The following RBFOX1 variants were observed in gnomAD, a reference collection of about 807,000 sequenced individuals.
RBFOX1 encodes the protein RNA binding fox-1 homolog 1.
In RBFOX1, 8 loss-of-function variants were observed where a neutral mutation model predicts 57.7. The observed-to-expected ratio is 0.14, with a 90% CI of 0.08 to 0.25. The LOEUF is 0.25. Among genes scored for constraint, RBFOX1 ranks in the 10% least tolerant of loss-of-function variants. The pLI is 1.00. For synonymous variants in RBFOX1, 326 were observed against 222.4 expected, an observed-to-expected ratio of 1.47 and a Z score of -4.15; for missense variants, 611 against 548.5, an observed-to-expected ratio of 1.11 and a Z score of -1.14.
intron 3 of RBFOX1, among the ~76,000 whole-genome samples, chr16:6,708,399 G>A (rs2063143592): frequency 6.6e-6 from 1 of 152,064 alleles, no homozygotes; most frequent in African/African-American, 2.4e-5. Flanking sequence ...AATCAGACAG[G>A]AGTTAAGTTC....
intron 2 of RBFOX1, among the ~76,000 whole-genome samples, chr16:6,326,833 G>C (rs1368222556): frequency 1.3e-5 from 2 of 152,166 alleles, no homozygotes; most frequent in African/African-American, 4.8e-5. Context: ...CCCCAGAGCA[G>C]ATGGCCCGAG....
At position 6,806,345 on chromosome 16, in the gene RBFOX1, T is replaced by A. The variant is rs188366515; in HGVS notation, c.-16+151695T>A. 1.2e-4 allele frequency among the ~76,000 whole-genome samples: 19 copies of A among 152,294 alleles called. 1 individual carries two copies. Among genetic ancestry groups the A allele is most frequent in the African/African-American group, 4.6e-4 (19 of 41,576 alleles). On this transcript the variant is annotated intron_variant, in intron 3 of 15. Coordinates refer to ENST00000550418, the MANE Select transcript of RBFOX1 (RefSeq NM_018723.4). ...TACTTTAATGTCATCCAAAAAACTATAGAGTTTTGAAAGATGGAATGAGAA... is the reference window on the plus strand; with the variant it reads ...TACTTTAATGTCATCCAAAAAACTAAAGAGTTTTGAAAGATGGAATGAGAA...
At position 7,579,875 on chromosome 16, in the gene RBFOX1, T is replaced by C. The variant is rs1194930221; in HGVS notation, c.369T>C (p.Asn123=). The C allele has an allele frequency of 3.7e-6, 6 of 1,614,002 alleles. No individual in the cohort carries two copies. In the African/African-American group the frequency reaches 6.7e-5, roughly 18 times the overall value. The change falls in exon 6 of 16, where the codon AAT becomes AAC. Residue 123 remains asparagine (N), a synonymous_variant. Coordinates refer to ENST00000550418, the MANE Select transcript of RBFOX1 (RefSeq NM_018723.4). The part of the protein sequence containing the change: ...KSQPKRLHVS[N]IPFRFRDPDL... The stretch of plus-strand genomic sequence containing the variant: ...AGCCCAAGCGGCTGCATGTCTCCAA[T>C]ATCCCCTTCAGGTTCCGGGATCCGG...
intron 3 of RBFOX1, among the ~76,000 whole-genome samples, chr16:5,798,565 C>T (rs554120516): frequency 2.6e-5 from 4 of 152,216 alleles, no homozygotes; most frequent in South Asian, 2.1e-4. Context: ...AGGGCATCTG[C>T]GCTAAATGAT....
Position 6,847,103 on chromosome 16 carries a change from C to G in RBFOX1, c.-16+192453C>G, listed in dbSNP as rs1603631815. On this transcript the variant is annotated intron_variant, in intron 3 of 15. Coordinates refer to ENST00000550418, the MANE Select transcript of RBFOX1 (RefSeq NM_018723.4). ...TCCTTCCCAGAGAACTTTATCTTGC[C>G]TCAGTCAACCCTGCTCAGAGATGGT... Among the ~76,000 whole-genome samples the G allele has an allele frequency of 5.3e-5, 8 of 152,228 alleles. No homozygotes were observed. In the South Asian group the frequency reaches 1.7e-3, roughly 32 times the overall value.
intron 2 of RBFOX1, among the ~76,000 whole-genome samples, chr16:6,394,066 T>C (rs1024592129): frequency 9.9e-5 from 15 of 152,204 alleles, no homozygotes; most frequent in African/African-American, 2.9e-4. Context: ...CATCCTGCAA[T>C]GCAGACATCC....
At chr16:7,223,738 G>GA (rs1742639760) in intron 4 of RBFOX1, among the ~76,000 whole-genome samples, 7 of 142,074 alleles carry the variant, frequency 4.9e-5, no homozygotes, top group African/African-American at 1.8e-4. Context: ...AAAAGAAAAA[G>GA]AAATGAGCAA....
chr16:7,665,665 T>G (rs2069032081), intron 13 of RBFOX1, among the ~76,000 whole-genome samples: 1 of 152,216 alleles, frequency 6.6e-6, no homozygotes, highest in African/African-American at 2.4e-5. Flanking sequence ...TTCTCCGACA[T>G]TATGATATGA....
intron 1 of RBFOX1, among the ~76,000 whole-genome samples, chr16:5,363,639 A>G (rs1002885562): frequency 1.5e-4 from 23 of 152,164 alleles, no homozygotes; most frequent in Non-Finnish European, 2.8e-4. Context: ...AGCACCTTGT[A>G]CTAATGAATC....
At chr16:5,483,755 C>T (rs1280042061) in intron 2 of RBFOX1, among the ~76,000 whole-genome samples, 1 of 152,066 alleles carries the variant, frequency 6.6e-6, no homozygotes, top group Non-Finnish European at 1.5e-5. Flanking sequence ...TAACAAATTA[C>T]CCCCAAGCTT....
intron 3 of RBFOX1, among the ~76,000 whole-genome samples, chr16:6,956,322 C>T (rs189602787): frequency 1.3e-5 from 2 of 152,120 alleles, no homozygotes; most frequent in South Asian, 4.2e-4. Context: ...TTCGTCATCT[C>T]CCACATTAAT....
rs2096601562 is a variant in RBFOX1 at position 6,527,781 on chromosome 16, C to T, written c.-63-126822C>T. On this transcript the variant is annotated intron_variant, in intron 2 of 15. Coordinates refer to ENST00000550418, the MANE Select transcript of RBFOX1 (RefSeq NM_018723.4). ...CACCTTGTGGGCGAGTTAATGGTTG[C>T]CACTCCGAGCTGCTGCCTCTGTAGG... Among the ~76,000 whole-genome samples, 5 of 152,204 alleles carry T rather than the reference C, an allele frequency of 3.3e-5. No homozygotes were observed. In the South Asian group the frequency reaches 1.0e-3, roughly 32 times the overall value.
chr16:5,403,365 A>AC (rs1297855093), intron 1 of RBFOX1, among the ~76,000 whole-genome samples: 6 of 150,458 alleles, frequency 4.0e-5, no homozygotes, highest in African/African-American at 1.5e-4. Context: ...AAAAAAAAAA[A>AC]AACAAAAAAC....
At chr16:5,963,279 G>C (rs1195520037) in intron 4 of RBFOX1, among the ~76,000 whole-genome samples, 2 of 152,106 alleles carry the variant, frequency 1.3e-5, no homozygotes, top group Non-Finnish European at 2.9e-5. Flanking sequence ...ATTGCAGGTG[G>C]GTCATGGAGC....
chr16:6,392,269 G>C (rs547229371), intron 2 of RBFOX1, among the ~76,000 whole-genome samples: 3 of 152,118 alleles, frequency 2.0e-5, no homozygotes, highest in Admixed American at 1.3e-4. Context: ...AAGACACTGC[G>C]TCTTATTTTG....
intron 2 of RBFOX1, among the ~76,000 whole-genome samples, chr16:6,404,501 T>A (rs1482541615): frequency 6.6e-6 from 1 of 152,196 alleles, no homozygotes; most frequent in African/African-American, 2.4e-5. Context: ...GCATTTGTAG[T>A]TGTATACTAC....
chr16:7,316,335 T>C (rs1437788674), intron 4 of RBFOX1, among the ~76,000 whole-genome samples: 4 of 152,240 alleles, frequency 2.6e-5, no homozygotes, highest in African/African-American at 9.6e-5. Flanking sequence ...GTTTGTATAA[T>C]CTTCCTAACA....
chr16:6,178,672 T>A (rs1392507751), intron 1 of RBFOX1, among the ~76,000 whole-genome samples: 2 of 152,222 alleles, frequency 1.3e-5, no homozygotes, highest in Non-Finnish European at 2.9e-5. Flanking sequence ...TGAGCCCGGA[T>A]GATCCTAGAG....
intron 3 of RBFOX1, among the ~76,000 whole-genome samples, chr16:6,902,954 G>A (rs1320097460): frequency 6.6e-6 from 1 of 152,176 alleles, no homozygotes; most frequent in Non-Finnish European, 1.5e-5. Context: ...TTACAAGGGA[G>A]CAGAGAAGAT....
Sources: allele counts gnomAD v4.1 joint callset (sites outside exome capture counted in the v4.1 genomes callset), GRCh38; gene constraint gnomAD v4.1.1; transcripts MANE v1.5; gene names NCBI Gene and HGNC (gene_info 2026-07-23, HGNC 2026-07-21).